Variants in PTPRD observed in about 807,000 individuals in gnomAD.
The protein encoded by PTPRD is protein tyrosine phosphatase receptor type D.
Under a neutral mutation model 214.5 loss-of-function variants are expected in PTPRD, and 34 were observed. The ratio of observed to expected loss-of-function variants is 0.16; its 90% CI spans 0.12 to 0.21. The LOEUF (loss-of-function observed/expected upper bound fraction) is 0.21. PTPRD is among the 10% of genes least tolerant of loss of function. The pLI is 1.00. For synonymous variants in PTPRD, 1,128 were observed against 845.7 expected (o/e 1.33, Z -5.79); for missense variants, 2,545 against 2,398.7 (o/e 1.06, Z -1.27).
intron 8 of PTPRD, among the ~76,000 whole-genome samples, chr9:9,426,445 G>C (rs2080957525): frequency 6.6e-6 from 1 of 152,198 alleles, no homozygotes; most frequent in South Asian, 2.1e-4. Context: ...GCAGCTCAAG[G>C]AGGCCTGCCT....
In PTPRD at chr9:9,970,438, AAAAAAGAAAAAG is replaced by A. The variant is rs1041043624; in HGVS notation, c.-471-31840_-471-31829del. Among the ~76,000 whole-genome samples, 6 of 140,382 alleles carry A rather than the reference AAAAAAGAAAAAG, an allele frequency of 4.3e-5. No individual in the cohort carries two copies. The South Asian group carries it at 9.2e-4, about 21-fold the overall frequency. 92.1% of individuals were successfully genotyped at this position (140,382 alleles called of 152,430 possible). A position where few individuals can be genotyped will look rare whatever the true frequency, so the allele number is the denominator to read the frequency against. On this transcript the variant is annotated intron_variant, in intron 4 of 45. Coordinates refer to ENST00000381196, the MANE Select transcript of PTPRD (RefSeq NM_002839.4). Reference sequence around the variant, plus strand: ...CAGCGAGACTCCTTCTCAAAAAAAAAAAAAAGAAAAAGAAAAAGAAAAAGAAAAAAAAAATTA... The same window carrying A: ...CAGCGAGACTCCTTCTCAAAAAAAAAAAAAAGAAAAAGAAAAAAAAAATTA...
intron 7 of PTPRD, among the ~76,000 whole-genome samples, chr9:9,631,687 A>C (rs2095600511): frequency 6.6e-6 from 1 of 152,114 alleles, no homozygotes; most frequent in Non-Finnish European, 1.5e-5. Flanking sequence ...CTATATTCTA[A>C]GTGCATCTTC....
intron 8 of PTPRD, among the ~76,000 whole-genome samples, chr9:9,404,770 A>G (rs1179888157): frequency 6.6e-6 from 1 of 152,120 alleles, no homozygotes; most frequent in Non-Finnish European, 1.5e-5. Context: ...ATTGGAGAGT[A>G]CATAGGTAGC....
chr9:10,233,727 A>G (rs2099619903), intron 3 of PTPRD, among the ~76,000 whole-genome samples: 1 of 152,046 alleles, frequency 6.6e-6, no homozygotes, highest in Non-Finnish European at 1.5e-5. Flanking sequence ...TTTTCAGATA[A>G]TGAAAGATAA....
chr9:10,358,235 T>G (rs1376040660), intron 2 of PTPRD, among the ~76,000 whole-genome samples: 5 of 152,092 alleles, frequency 3.3e-5, no homozygotes, highest in African/African-American at 1.2e-4. Flanking sequence ...GTGTTTTGTC[T>G]TCATCAAAAG....
intron 2 of PTPRD, among the ~76,000 whole-genome samples, chr9:10,556,273 A>T (rs1330115214): frequency 3.9e-5 from 6 of 152,132 alleles, no homozygotes; most frequent in Non-Finnish European, 8.8e-5. Flanking sequence ...GTTAGGTAGA[A>T]ATGTAAAATA....
intron 5 of PTPRD, among the ~76,000 whole-genome samples, chr9:9,884,135 T>G (rs1432300321): frequency 2.6e-5 from 4 of 152,118 alleles, no homozygotes; most frequent in African/African-American, 9.7e-5. Flanking sequence ...TTCCAAACTA[T>G]GTAGCAGTGA....
At chr9:9,443,645 G>T (rs763864806) in intron 8 of PTPRD, among the ~76,000 whole-genome samples, 2 of 152,068 alleles carry the variant, frequency 1.3e-5, no homozygotes, top group Non-Finnish European at 2.9e-5. Context: ...CATAGAGAAG[G>T]GGGTAGCTCA....
At chr9:9,137,604 G>A (rs902517704) in intron 10 of PTPRD, among the ~76,000 whole-genome samples, 2 of 152,118 alleles carry the variant, frequency 1.3e-5, no homozygotes, top group African/African-American at 4.8e-5. Context: ...TATGAAATGT[G>A]TTGAACAAGG....
At chr9:8,849,982 G>C (rs1206175262) in intron 11 of PTPRD, among the ~76,000 whole-genome samples, 1 of 152,150 alleles carries the variant, frequency 6.6e-6, no homozygotes, top group African/African-American at 2.4e-5. Flanking sequence ...AGGAAATAAA[G>C]TGAAAAGATT....
Position 9,717,342 on chromosome 9 carries a change from T to A in PTPRD, c.-287+17191A>T, listed in dbSNP as rs1163051563. Among the ~76,000 whole-genome samples the A allele has an allele frequency of 5.9e-5, 9 of 152,316 alleles. No individual in the cohort carries two copies. In the South Asian group the frequency reaches 1.9e-3, roughly 32 times the overall value. ...TTGACTTGGTAATGCGGGCTCTTTT[T>A]TGGTTCCATATGAACTTTAAAGTAG... On this transcript the variant is annotated intron_variant, in intron 7 of 45. Coordinates refer to ENST00000381196, the MANE Select transcript of PTPRD (RefSeq NM_002839.4).
Position 9,552,289 on chromosome 9 carries a change from T to C in PTPRD, c.-237+22443A>G, listed in dbSNP as rs190408859. Reference sequence around the variant, plus strand: ...AAAGAGTATTGAAGAAGGAAGTGATTTTAATTTCAAGTCAGTCATTGTTTT... The same window carrying C: ...AAAGAGTATTGAAGAAGGAAGTGATCTTAATTTCAAGTCAGTCATTGTTTT... On this transcript the variant is annotated intron_variant, in intron 8 of 45. Transcript: ENST00000381196. Among the ~76,000 whole-genome samples, 15 of 152,140 alleles carry C rather than the reference T, an allele frequency of 9.9e-5. No individual in the cohort carries two copies. The East Asian group carries it at 2.5e-3, about 26-fold the overall frequency.
intron 4 of PTPRD, among the ~76,000 whole-genome samples, chr9:10,005,192 A>G (rs2096447437): frequency 6.6e-6 from 1 of 152,060 alleles, no homozygotes; most frequent in African/African-American, 2.4e-5. Flanking sequence ...AGGGCAGCAG[A>G]TAAGGCACAA....
intron 3 of PTPRD, among the ~76,000 whole-genome samples, chr9:10,125,222 C>G (rs1343857544): frequency 1.3e-5 from 2 of 151,840 alleles, no homozygotes; most frequent in African/African-American, 4.8e-5. Flanking sequence ...TATTAAGATA[C>G]TATTATACTA....
intron 7 of PTPRD, among the ~76,000 whole-genome samples, chr9:9,683,697 T>A (rs530325644): frequency 1.3e-5 from 2 of 151,694 alleles, no homozygotes; most frequent in Admixed American, 1.3e-4. Flanking sequence ...ATAATAGGAA[T>A]CCACAATGAA....
intron 11 of PTPRD, among the ~76,000 whole-genome samples, chr9:8,742,134 CTAATA>C (rs1379916319): frequency 2.0e-5 from 3 of 152,060 alleles, no homozygotes; most frequent in Non-Finnish European, 2.9e-5. Flanking sequence ...GACCAATAAA[CTAATA>C]TGTCAGTCAA....
chr9:8,762,675 G>A (rs976902252), intron 11 of PTPRD, among the ~76,000 whole-genome samples: 1 of 152,174 alleles, frequency 6.6e-6, no homozygotes, highest in Admixed American at 6.5e-5. Context: ...AAATATTTAT[G>A]GGTTTTCTCC....
intron 7 of PTPRD, among the ~76,000 whole-genome samples, chr9:9,690,654 G>A (rs780738112): frequency 2.0e-5 from 3 of 151,786 alleles, no homozygotes; most frequent in Non-Finnish European, 2.9e-5. Context: ...TATATGTTGA[G>A]AGATAGGGGT....
intron 12 of PTPRD, among the ~76,000 whole-genome samples, chr9:8,723,438 A>G (rs571936729): frequency 6.6e-6 from 1 of 152,286 alleles, no homozygotes; most frequent in African/African-American, 2.4e-5. Context: ...CACGCCGTTC[A>G]GTGACTTGTT....
Sources: gnomAD v4.1 joint callset for allele counts (sites outside exome capture counted in the v4.1 genomes callset) on GRCh38, gnomAD v4.1.1 for gene constraint, MANE v1.5 for transcripts, NCBI Gene and HGNC (gene_info 2026-07-23, HGNC 2026-07-21) for gene names.